UGT2B11: variants seen among roughly 807,000 people sequenced by gnomAD.
UGT2B11 encodes the protein UDP-glucuronosyltransferase 2B11.
Under a neutral mutation model 51.7 loss-of-function variants are expected in UGT2B11, and 49 were observed. The observed-to-expected ratio is 0.95, with a 90% confidence interval of 0.75 to 1.20. The LOEUF is 1.20. UGT2B11 is among the 50% of genes most tolerant of loss of function. The pLI is 0.00. For missense variants in UGT2B11, 810 were observed against 622.1 expected, an observed-to-expected ratio of 1.30 and a Z score of -3.21; for synonymous variants, 273 against 209.0, an observed-to-expected ratio of 1.31 and a Z score of -2.64.
rs774456457 is a variant in UGT2B11, at chr4:69,214,431, A to G, written c.292T>C (p.Ser98Pro). ...NIIMQQVKRWSDIRKDSFWLY... is the reference protein window; with the variant it reads ...NIIMQQVKRWPDIRKDSFWLY... ...CAAAAGCTATCTTTTCGAATGTCTG[A>G]CCATCTCTTAACCTGTTGCATGATG... Residue 98 changes from serine to proline, a missense_variant, in exon 1 of 6, where the codon TCA becomes CCA. Ser to Pro is a moderately conservative substitution (Grantham distance 74). Coordinates refer to ENST00000446444, the MANE Select transcript of UGT2B11 (RefSeq NM_001073.3). 7.4e-6 allele frequency: 12 copies of G among 1,613,066 alleles called. No homozygotes were observed. In the South Asian group the frequency reaches 1.3e-4, roughly 18 times the overall value.
At chr4:69,207,109 T>C (rs1227204901) in intron 3 of UGT2B11, among the ~76,000 whole-genome samples, 2 of 151,590 alleles carry the variant, frequency 1.3e-5, no homozygotes, top group African/African-American at 4.8e-5. Context: ...TTTGGTATCA[T>C]GAATAAAAAT....
upstream of UGT2B11, among the ~76,000 whole-genome samples, chr4:69,217,544 T>C (rs1452730510): frequency 1.6e-4 from 24 of 152,202 alleles, no homozygotes; most frequent in South Asian, 2.1e-4. Flanking sequence ...ATACCTCACC[T>C]ATAAGCTCTC....
chr4:69,204,317 C>A, intron 5 of UGT2B11, 113 bp downstream of exon 5: 4 of 1,469,952 alleles, frequency 2.7e-6, no homozygotes, highest in Admixed American at 2.1e-5. Context: ...TTGGTTATAT[C>A]ATTTAAATTC....
chr4:69,215,726 T>G (rs1409710750), upstream of UGT2B11: 1 of 152,042 alleles, frequency 6.6e-6, no homozygotes, highest in African/African-American at 2.4e-5. Context: ...AATAATTTTC[T>G]ATTCTCACCA....
rs750330233 is a variant in UGT2B11, at chr4:69,208,453, T to A, written c.900A>T (p.Gly300=). The A allele has an allele frequency of 2.7e-5, 44 of 1,609,292 alleles. No homozygotes were observed. The highest frequency in any genetic ancestry group is 3.6e-5 in the Non-Finnish European group (42 of 1,177,984). The change falls in exon 3 of 6, where the codon GGA becomes GGT. Residue 300 remains glycine, a synonymous_variant. Coordinates refer to ENST00000446444, the MANE Select transcript of UGT2B11 (RefSeq NM_001073.3). ...KEMEEFVQSS[G]ENGVVVFSLG... ...GAGAAAACACCACAACACCATTTTC[T>A]CCAGAGCTCTGTACAAACTCCTCCA...
upstream of UGT2B11, chr4:69,214,924 T>A (rs1722218750): frequency 2.4e-6 from 2 of 839,402 alleles, no homozygotes; most frequent in Non-Finnish European, 3.5e-6. Flanking sequence ...GTTTCTTTTA[T>A]GTTTATATTC....
intron 1 of UGT2B11, among the ~76,000 whole-genome samples, chr4:69,213,612 T>A (rs577960508): frequency 1.3e-5 from 2 of 151,988 alleles, no homozygotes; most frequent in Non-Finnish European, 2.9e-5. Context: ...CTTTCTGCAG[T>A]TACATAGATA....
upstream of UGT2B11, chr4:69,215,506 C>T (rs1560542543): frequency 6.6e-6 from 1 of 151,970 alleles, no homozygotes. Context: ...TTTATAAACA[C>T]AATTTATTTA....
chr4:69,208,329 C>A, intron 3 of UGT2B11, 22 bp downstream of exon 3: 16 of 1,609,186 alleles, frequency 9.9e-6, no homozygotes, highest in Non-Finnish European at 1.4e-5. Flanking sequence ...GTTTTCCACA[C>A]CAGTAAGGCC....
chr4:69,223,368 T>C, the UGT2B11 span, among the ~76,000 whole-genome samples: 6 of 152,156 alleles, frequency 3.9e-5, no homozygotes, highest in African/African-American at 7.2e-5. Flanking sequence ...CCCCCACAGG[T>C]CAGGCCCAGA....
chr4:69,208,257 G>A, intron 3 of UGT2B11, 94 bp downstream of exon 3: 5 of 1,577,070 alleles, frequency 3.2e-6, no homozygotes, highest in Non-Finnish European at 4.3e-6. Flanking sequence ...GATGTAAAGA[G>A]TTCACTCTAC....
chr4:69,218,970 G>C (rs565785590), upstream of UGT2B11, among the ~76,000 whole-genome samples: 2 of 152,228 alleles, frequency 1.3e-5, no homozygotes, highest in South Asian at 4.1e-4. Flanking sequence ...AGAGGGAGCT[G>C]TCTACTATTC....
At chr4:69,224,478 C>CGGT in the UGT2B11 span, among the ~76,000 whole-genome samples, 1 of 152,076 alleles carries the variant, frequency 6.6e-6, no homozygotes, top group Admixed American at 6.6e-5. Flanking sequence ...AGCCTGACAC[C>CGGT]GGTGTCTTTA....
In UGT2B11 at chr4:69,200,312, A is replaced by ATTTTTT. The variant is rs11340393; in HGVS notation, c.*122_*127dup. 8,247 of 816,414 alleles carry ATTTTTT rather than the reference A, an allele frequency of 0.01. 91 individuals carry two copies. The highest frequency in any genetic ancestry group is 0.028 in the South Asian group (525 of 18,844). The allele number at this position is 816,414 out of a possible 1,614,324, so 50.6% of individuals were successfully genotyped here. On this transcript the variant is annotated 3_prime_UTR_variant, in exon 6 of 6. Coordinates refer to ENST00000446444, the MANE Select transcript of UGT2B11 (RefSeq NM_001073.3). ...TTTACTTGACAAGGTAGATTTGAAA[A>ATTTTTT]TTTTTTTTTTTTTTTTTTTTTTGTC... is the stretch of plus-strand genomic sequence containing the variant.
Position 69,212,683 on chromosome 4 carries a change from C to A in UGT2B11, c.760G>T (p.Asp254Tyr). 6.2e-7 allele frequency: 1 copy of A among 1,609,492 alleles called. No homozygotes were observed. Among genetic ancestry groups the A allele is most frequent in the Non-Finnish European group, 8.5e-7 (1 of 1,177,520 alleles). Residue 254 changes from aspartate to tyrosine, a missense_variant, in exon 2 of 6, where the codon GAC (aspartate) becomes TAC (tyrosine). By Grantham distance (160) the Asp-to-Tyr change is radical. Coordinates refer to ENST00000446444, the MANE Select transcript of UGT2B11 (RefSeq NM_001073.3). ...TTLFETMGKA[D>Y]IWLMRNSWSF... The stretch of plus-strand genomic sequence containing the variant: ...CAGGAGTTTCGCATAAGCCATATGT[C>A]AGCTTTTCCCATTGTCTCAAATAAG...
intron 3 of UGT2B11, among the ~76,000 whole-genome samples, chr4:69,206,270 T>G (rs11947293): frequency 0.17 from 25,765 of 150,450 alleles, 2,809 homozygotes; most frequent in African/African-American, 0.3. Context: ...ATGGCATATA[T>G]ACACTACGGA....
At chr4:69,206,738 T>G (rs1419263461) in intron 3 of UGT2B11, among the ~76,000 whole-genome samples, 2 of 151,690 alleles carry the variant, frequency 1.3e-5, no homozygotes, top group Non-Finnish European at 3.0e-5. Context: ...AGTTACTATT[T>G]AGTAATGACC....
At chr4:69,207,041 A>G (rs1295680304) in intron 3 of UGT2B11, among the ~76,000 whole-genome samples, 1 of 151,610 alleles carries the variant, frequency 6.6e-6, no homozygotes, top group Non-Finnish European at 1.5e-5. Flanking sequence ...ACACAAATTC[A>G]GAATATTACC....
upstream of UGT2B11, among the ~76,000 whole-genome samples, chr4:69,218,850 T>G (rs1209922667): frequency 6.6e-6 from 1 of 152,128 alleles, no homozygotes; most frequent in African/African-American, 2.4e-5. Flanking sequence ...AGTCCCTGGA[T>G]TTTGTCTGCA....
Sources: allele counts gnomAD v4.1 joint callset (sites outside exome capture counted in the v4.1 genomes callset), GRCh38; gene constraint gnomAD v4.1.1; transcripts MANE v1.5; gene names NCBI Gene and HGNC (gene_info 2026-07-23, HGNC 2026-07-21).